The following COP1 variants were observed in gnomAD, a reference collection of about 807,000 sequenced individuals.
The protein encoded by COP1 is COP1 E3 ubiquitin ligase, also known as E3 ubiquitin-protein ligase COP1.
A neutral mutation model predicts 101.3 loss-of-function variants in COP1; 24 were observed. The ratio of observed to expected loss-of-function variants is 0.24; its 90% confidence interval spans 0.17 to 0.33. COP1 has a LOEUF of 0.33. Ranked by LOEUF, COP1 falls within the 10% of genes least tolerant of loss-of-function variation. The pLI, the probability that COP1 is intolerant of heterozygous loss-of-function variation, is 1.00. For synonymous variants in COP1, 347 were observed against 341.9 expected, an observed-to-expected ratio of 1.01 and a Z score of -0.17; for missense variants, 663 against 906.2, an observed-to-expected ratio of 0.73 and a Z score of 3.45.
intron 6 of COP1, among the ~76,000 whole-genome samples, chr1:176,143,146 AAG>A (rs759550104): frequency 1.8e-3 from 115 of 65,654 alleles, no homozygotes; most frequent in Admixed American, 2.2e-3. Context: ...GAGCGAGAGA[AAG>A]AGAGAGAGAG....
intron 15 of COP1, among the ~76,000 whole-genome samples, chr1:176,026,921 T>G (rs757080423): frequency 6.6e-6 from 1 of 152,150 alleles, no homozygotes; most frequent in African/African-American, 2.4e-5. Flanking sequence ...TTTATCTTCC[T>G]TCCAACTCAT....
At chr1:175,971,962 A>G (rs1364293971) in intron 18 of COP1, among the ~76,000 whole-genome samples, 1 of 152,130 alleles carries the variant, frequency 6.6e-6, no homozygotes, top group Admixed American at 6.5e-5. Flanking sequence ...GTAAAGAAAG[A>G]ATAGGTTTGC....
At chr1:176,146,306 G>A (rs1205659053) in intron 6 of COP1, among the ~76,000 whole-genome samples, 6 of 152,076 alleles carry the variant, frequency 3.9e-5, no homozygotes, top group East Asian at 3.9e-4. Flanking sequence ...ACTAACAAAC[G>A]CTGTTAATAG....
chr1:176,070,872 T>C (rs1247314921), intron 11 of COP1, among the ~76,000 whole-genome samples: 1 of 152,132 alleles, frequency 6.6e-6, no homozygotes, highest in African/African-American at 2.4e-5. Flanking sequence ...AGGCTGGTTT[T>C]GAACTCTTGG....
intron 5 of COP1, among the ~76,000 whole-genome samples, chr1:176,154,459 T>TA (rs142498181): frequency 0.067 from 10,235 of 152,046 alleles, 427 homozygotes; most frequent in Middle Eastern, 0.12. Context: ...TATGCAGCCA[T>TA]AAAAAAGGAG....
chr1:176,038,588 G>A (rs1321903469), intron 14 of COP1, among the ~76,000 whole-genome samples: 1 of 152,170 alleles, frequency 6.6e-6, no homozygotes, highest in Non-Finnish European at 1.5e-5. Context: ...GGGAGGCCAA[G>A]GCGGGCAGAT....
chr1:176,152,843 G>C (rs1210848075), intron 5 of COP1, among the ~76,000 whole-genome samples: 2 of 152,056 alleles, frequency 1.3e-5, no homozygotes, highest in African/African-American at 4.8e-5. Context: ...TCACAAACAG[G>C]AGTCATCATC....
intron 3 of COP1, among the ~76,000 whole-genome samples, chr1:176,171,560 T>C (rs1403406227): frequency 2.0e-5 from 3 of 152,200 alleles, no homozygotes; most frequent in Non-Finnish European, 4.4e-5. Flanking sequence ...TTCCTTTGCA[T>C]TCACACCTTG....
intron 18 of COP1, among the ~76,000 whole-genome samples, chr1:175,952,446 A>G (rs986242730): frequency 1.3e-5 from 2 of 152,052 alleles, no homozygotes; most frequent in Non-Finnish European, 2.9e-5. Flanking sequence ...AAAAGATGAT[A>G]AACAAGAAAG....
At chr1:176,184,287 T>G (rs934836060) in intron 2 of COP1, among the ~76,000 whole-genome samples, 8 of 152,188 alleles carry the variant, frequency 5.3e-5, no homozygotes, top group African/African-American at 1.9e-4. Flanking sequence ...TTCACTGCGT[T>G]CTCCAACCTA....
At chr1:176,012,799 A>C in intron 15 of COP1, among the ~76,000 whole-genome samples, 1 of 152,186 alleles carries the variant, frequency 6.6e-6, no homozygotes, top group East Asian at 1.9e-4. Flanking sequence ...TTTGTAGCCT[A>C]GGAGTATTAG....
At chr1:175,983,838 C>T (rs367603262) in intron 18 of COP1, among the ~76,000 whole-genome samples, 80 of 152,286 alleles carry the variant, frequency 5.3e-4, no homozygotes, top group African/African-American at 1.6e-3. Context: ...AAGAGACTGG[C>T]GGCATTTTGC....
chr1:176,046,558 T>C (rs933429818), intron 11 of COP1, among the ~76,000 whole-genome samples: 3 of 152,108 alleles, frequency 2.0e-5, no homozygotes, highest in Non-Finnish European at 4.4e-5. Context: ...CAGGTGTACT[T>C]TTGTTCCAAG....
chr1:176,073,166 T>C (rs984577361), intron 11 of COP1, among the ~76,000 whole-genome samples: 11 of 152,162 alleles, frequency 7.2e-5, no homozygotes, highest in African/African-American at 2.7e-4. Flanking sequence ...CCAGGGTTGA[T>C]ACAAGGATTA....
intron 2 of COP1, among the ~76,000 whole-genome samples, chr1:176,182,004 G>C (rs1697851981): frequency 6.6e-6 from 1 of 152,132 alleles, no homozygotes; most frequent in African/African-American, 2.4e-5. Context: ...ATGACCTAAA[G>C]ACAACATGAA....
intron 9 of COP1, among the ~76,000 whole-genome samples, chr1:176,103,917 T>C (rs1236328252): frequency 6.6e-6 from 1 of 152,050 alleles, no homozygotes; most frequent in Non-Finnish European, 1.5e-5. Flanking sequence ...TTTAGGGAGC[T>C]AGATAAACTG....
chr1:176,007,937 C>G (rs1663755159), intron 15 of COP1, among the ~76,000 whole-genome samples: 1 of 152,232 alleles, frequency 6.6e-6, no homozygotes, highest in Non-Finnish European at 1.5e-5. Flanking sequence ...GCGCCCCTCC[C>G]CCAGCCTCGC....
At chr1:176,117,854 C>T (rs969976815) in intron 8 of COP1, among the ~76,000 whole-genome samples, 1 of 152,016 alleles carries the variant, frequency 6.6e-6, no homozygotes, top group Non-Finnish European at 1.5e-5. Flanking sequence ...GAGATCACAC[C>T]ATTGCACTCC....
intron 11 of COP1, among the ~76,000 whole-genome samples, chr1:176,052,715 A>G (rs1021583951): frequency 6.6e-6 from 1 of 152,182 alleles, no homozygotes; most frequent in African/African-American, 2.4e-5. Context: ...CCCTCTCTGT[A>G]GGCAACCAAT....
Sources: gnomAD v4.1 joint callset for allele counts (sites outside exome capture counted in the v4.1 genomes callset) on GRCh38, gnomAD v4.1.1 for gene constraint, MANE v1.5 for transcripts, NCBI Gene and HGNC (gene_info 2026-07-23, HGNC 2026-07-21) for gene names.